The following WIPF2 variants were observed in gnomAD, a reference collection of about 807,000 sequenced individuals.
WIPF2 encodes the protein WAS/WASL-interacting protein family member 2.
A neutral mutation model predicts 38.8 loss-of-function variants in WIPF2; 23 were observed. The observed-to-expected ratio is 0.59, with a 90% confidence interval of 0.43 to 0.84. The LOEUF (loss-of-function observed/expected upper bound fraction) is 0.84, where lower values mean the gene tolerates loss of function less well. Among genes scored for constraint, WIPF2 ranks in the 40% least tolerant of loss-of-function variants. WIPF2 has a pLI of 0.00. For missense variants in WIPF2, 574 were observed against 580.5 expected, an observed-to-expected ratio of 0.99 and a Z score of 0.11; for synonymous variants, 210 against 223.2, an observed-to-expected ratio of 0.94 and a Z score of 0.53.
rs1282134179 is a variant in WIPF2 at position 40,256,520 on chromosome 17, C to CAGG, written c.62_63+1dup. On this transcript the variant is annotated inframe_insertion and splice_region_variant, in exon 2 of 8. Transcript: ENST00000323571. ...TCCTCCTCCACCTCCCACATTTCAT[C>CAGG]AGGTAGGTAGTCCTTCCATTAGGCT... The CAGG allele has an allele frequency of 6.3e-7, 1 of 1,595,454 alleles. No individual in the cohort carries two copies. The highest frequency in any genetic ancestry group is 1.7e-5 in the Admixed American group (1 of 58,498).
intron 1 of WIPF2, among the ~76,000 whole-genome samples, chr17:40,235,274 G>A (rs8076915): frequency 0.09 from 13,701 of 152,096 alleles, 2,105 homozygotes; most frequent in African/African-American, 0.31. Context: ...TAGTTCCCAG[G>A]CCTCCAGATG....
intron 1 of WIPF2, among the ~76,000 whole-genome samples, chr17:40,243,816 C>T (rs551727953): frequency 3.7e-4 from 56 of 152,114 alleles, no homozygotes; most frequent in Middle Eastern, 3.4e-3. Context: ...CCACCACGCC[C>T]GGCCCGATTT....
intron 1 of WIPF2, among the ~76,000 whole-genome samples, chr17:40,240,129 T>C (rs998120602): frequency 1.6e-4 from 24 of 151,874 alleles, no homozygotes; most frequent in African/African-American, 5.1e-4. Context: ...TGGTGCAATC[T>C]CAGCTCACTG....
chr17:40,249,913 A>G (rs1008188353), intron 1 of WIPF2, among the ~76,000 whole-genome samples: 1 of 144,494 alleles, frequency 6.9e-6, no homozygotes, highest in African/African-American at 2.6e-5. Flanking sequence ...GCTAACTGCA[A>G]CCTCCGCCTC....
chr17:40,269,395 C>T (rs1342900977), intron 5 of WIPF2, among the ~76,000 whole-genome samples: 1 of 150,948 alleles, frequency 6.6e-6, no homozygotes, highest in Admixed American at 6.6e-5. Context: ...CCTGTGGTCC[C>T]AGCTACTTGG....
At chr17:40,256,613 G>T in intron 2 of WIPF2, 91 bp downstream of exon 2, 14 of 1,456,972 alleles carry the variant, frequency 9.6e-6, no homozygotes, top group East Asian at 5.3e-5. Flanking sequence ...AACTCCTTTT[G>T]GTTAAAATTT....
At position 40,265,132 on chromosome 17, in the gene WIPF2, C is replaced by G. The variant is rs935330146; in HGVS notation, c.956C>G (p.Pro319Arg). The G allele has an allele frequency of 6.2e-7, 1 of 1,607,324 alleles. No individual in the cohort carries two copies. The highest frequency in any genetic ancestry group is 8.5e-7 in the Non-Finnish European group (1 of 1,176,270). The change falls in exon 5 of 8, where the codon CCC becomes CGC. Residue 319 changes from proline (P) to arginine (R), a missense_variant. Pro to Arg is a moderately radical substitution (Grantham distance 103). Transcript: ENST00000323571. ...NRPPPPARDP[P>R]SRGAAPPPPP... The stretch of plus-strand genomic sequence containing the variant: ...CCACCTCCCCCAGCCCGAGACCCTC[C>G]CAGTCGGGGAGCAGGTAAGTGCTTG...
chr17:40,224,535 C>T (rs772785510), intron 1 of WIPF2, among the ~76,000 whole-genome samples: 20 of 151,670 alleles, frequency 1.3e-4, no homozygotes, highest in South Asian at 8.3e-4. Flanking sequence ...CGTGAGCCAC[C>T]GCGCCCGGCC....
chr17:40,238,004 T>G (rs1164175607), intron 1 of WIPF2, among the ~76,000 whole-genome samples: 1 of 149,678 alleles, frequency 6.7e-6, no homozygotes, highest in East Asian at 2.1e-4. Context: ...AGGCGGAGGT[T>G]GCAGTGAGTC....
intron 1 of WIPF2, among the ~76,000 whole-genome samples, chr17:40,241,070 A>G (rs931593422): frequency 6.6e-6 from 1 of 152,132 alleles, no homozygotes; most frequent in Non-Finnish European, 1.5e-5. Context: ...TTTCCTTGCC[A>G]ATATCCATTC....
chr17:40,235,319 GAA>G (rs748447832), intron 1 of WIPF2, among the ~76,000 whole-genome samples: 5 of 151,952 alleles, frequency 3.3e-5, no homozygotes, highest in Non-Finnish European at 4.4e-5. Context: ...AGTTACAAAA[GAA>G]AAAAAATTTA....
At chr17:40,247,485 C>A (rs923787278) in intron 1 of WIPF2, among the ~76,000 whole-genome samples, 1 of 149,684 alleles carries the variant, frequency 6.7e-6, no homozygotes. Context: ...TCCCAAAGTG[C>A]TGGGATTACG....
At chr17:40,273,556 TC>T in intron 5 of WIPF2, 1 of 487,694 alleles carries the variant, frequency 2.1e-6, no homozygotes, top group Non-Finnish European at 3.6e-6. Context: ...AGGAAAAAAA[TC>T]AAGAACAGAT....
intron 3 of WIPF2, among the ~76,000 whole-genome samples, chr17:40,261,035 TAAAA>T (rs34087528): frequency 2.1e-5 from 2 of 93,572 alleles, no homozygotes; most frequent in Admixed American, 1.2e-4. Context: ...CTCAAAAAGG[TAAAA>T]AAAAAAAAAA....
At chr17:40,226,558 T>A (rs1359701767) in intron 1 of WIPF2, among the ~76,000 whole-genome samples, 1 of 151,950 alleles carries the variant, frequency 6.6e-6, no homozygotes, top group Admixed American at 6.6e-5. Context: ...TGAGATGCGA[T>A]GTCTGAGATT....
intron 5 of WIPF2, among the ~76,000 whole-genome samples, chr17:40,266,513 A>C (rs892035702): frequency 6.6e-6 from 1 of 152,112 alleles, no homozygotes; most frequent in Non-Finnish European, 1.5e-5. Flanking sequence ...GGAGGGTGAA[A>C]GTGAAAGCTT....
At chr17:40,269,419 G>A (rs2032183039) in intron 5 of WIPF2, among the ~76,000 whole-genome samples, 1 of 151,410 alleles carries the variant, frequency 6.6e-6, no homozygotes, top group Admixed American at 6.6e-5. Context: ...GCTAGGATGG[G>A]AGGATCACTT....
chr17:40,260,073 C>G (rs2031848845), intron 2 of WIPF2, among the ~76,000 whole-genome samples: 1 of 151,276 alleles, frequency 6.6e-6, no homozygotes, highest in Admixed American at 6.6e-5. Flanking sequence ...AAGGATAATG[C>G]ACATTGATAT....
At chr17:40,276,765 C>G (rs759453006) in intron 6 of WIPF2, among the ~76,000 whole-genome samples, 2 of 151,926 alleles carry the variant, frequency 1.3e-5, no homozygotes, top group South Asian at 2.1e-4. Context: ...ATACAGAAAA[C>G]TAGCCGGGTG....
Sources: gnomAD v4.1 joint callset for allele counts (sites outside exome capture counted in the v4.1 genomes callset) on GRCh38, gnomAD v4.1.1 for gene constraint, MANE v1.5 for transcripts, NCBI Gene and HGNC (gene_info 2026-07-23, HGNC 2026-07-21) for gene names.